The following DNAH6 variants were observed in gnomAD, a reference collection of about 807,000 sequenced individuals.
The protein encoded by DNAH6 is axonemal beta dynein heavy chain 6.
A neutral mutation model predicts 491.4 loss-of-function variants in DNAH6; 340 were observed. That is an observed-to-expected ratio of 0.69 (90% CI 0.63 to 0.76). The LOEUF is 0.76. DNAH6 is among the 30% of genes least tolerant of loss of function. The pLI is 0.00. For synonymous variants in DNAH6, 1,603 were observed against 1,686.1 expected, an observed-to-expected ratio of 0.95 and a Z score of 1.21; for missense variants, 4,443 against 4,972.2, an observed-to-expected ratio of 0.89 and a Z score of 3.20.
At chr2:84,498,541 A>T in the DNAH6 span, among the ~76,000 whole-genome samples, 4 of 152,080 alleles carry the variant, frequency 2.6e-5, no homozygotes, top group Non-Finnish European at 5.9e-5. Context: ...TTCTTTTAAA[A>T]CTGAGTAATT....
chr2:84,461,678 T>C, the DNAH6 span, among the ~76,000 whole-genome samples: 2 of 152,248 alleles, frequency 1.3e-5, no homozygotes, highest in Non-Finnish European at 2.9e-5. Flanking sequence ...TCGATAATGG[T>C]AGTTATTATC....
chr2:84,619,172 G>C (rs947875625), intron 23 of DNAH6, among the ~76,000 whole-genome samples: 2 of 152,134 alleles, frequency 1.3e-5, no homozygotes, highest in African/African-American at 4.8e-5. Context: ...TTTCACAGTA[G>C]CACATGCTGC....
intron 64 of DNAH6, among the ~76,000 whole-genome samples, chr2:84,766,401 CA>C (rs986166828): frequency 2.0e-5 from 3 of 151,950 alleles, no homozygotes; most frequent in South Asian, 2.1e-4. Flanking sequence ...TTTTGGGAAA[CA>C]AAAAAATGCA....
At position 84,516,510 on chromosome 2, in the gene DNAH6, C is replaced by A. The variant is rs1176087209; in HGVS notation, c.-82C>A. Reference sequence around the variant, plus strand: ...AGCAACAGGAAACATTCCGCGCTACCGAGTACTTTCTACTCCCGACCAGGC... The same window carrying A: ...AGCAACAGGAAACATTCCGCGCTACAGAGTACTTTCTACTCCCGACCAGGC... On this transcript the variant is annotated 5_prime_UTR_variant, in exon 1 of 77. Transcript: ENST00000389394. The A allele has an allele frequency of 6.6e-6, 1 of 152,196 alleles. No homozygotes were observed. The highest frequency in any genetic ancestry group is 6.5e-5 in the Admixed American group (1 of 15,274). The allele number at this position is 152,196 out of a possible 1,614,324, so 9.4% of individuals were successfully genotyped here.
chr2:84,605,504 A>G lies in DNAH6; in HGVS notation c.3086A>G (p.Glu1029Gly), dbSNP rs982337641. The change falls in exon 20 of 77, where the codon GAG (glutamate) becomes GGG (glycine). Residue 1029 changes from glutamate (E) to glycine (G), a missense_variant. Around this residue, in one of 3 missense-constraint regions of DNAH6, gnomAD observed 2,977 missense variants for 3,296.6 expected, o/e 0.90. Transcript: ENST00000389394. ...AALEAILKKV[E>G]DSWKTTEFVI... ...AAGGCTTGAATTATTTCTAAGGTGG[A>G]GGACTCTTGGAAAACAACTGAATTT... The G allele has an allele frequency of 6.5e-7, 1 of 1,549,780 alleles. No individual in the cohort carries two copies. The highest frequency in any genetic ancestry group is 1.4e-5 in the African/African-American group (1 of 73,096).
chr2:84,529,193 A>T lies in DNAH6; in HGVS notation c.662+27A>T, dbSNP rs140020163. On this transcript the variant is annotated intron_variant, in intron 4 of 76. Transcript: ENST00000389394. The stretch of plus-strand genomic sequence containing the variant: ...TGAGTTATTTTTTATGATGCAATTT[A>T]ACATAAAAATTACAAATAAGATTTC... 464 of 1,466,344 alleles carry T rather than the reference A, an allele frequency of 3.2e-4. 1 individual carries two copies. In the African/African-American group the frequency reaches 6.0e-3, roughly 19 times the overall value. The allele number at this position is 1,466,344 out of a possible 1,614,324, so 90.8% of individuals were successfully genotyped here.
At chr2:84,600,401 T>C (rs1416503230) in intron 18 of DNAH6, among the ~76,000 whole-genome samples, 1 of 152,156 alleles carries the variant, frequency 6.6e-6, no homozygotes, top group Non-Finnish European at 1.5e-5. Context: ...CCATGCTTTA[T>C]CTGAGTTTTT....
intron 64 of DNAH6, among the ~76,000 whole-genome samples, chr2:84,770,642 A>C (rs1675515228): frequency 6.6e-6 from 1 of 152,166 alleles, no homozygotes; most frequent in Non-Finnish European, 1.5e-5. Flanking sequence ...GAACATGCAG[A>C]TAGGTCTATT....
At chr2:84,475,172 G>A in the DNAH6 span, among the ~76,000 whole-genome samples, 2 of 152,142 alleles carry the variant, frequency 1.3e-5, no homozygotes, top group Admixed American at 6.5e-5. Flanking sequence ...TGAGGGTAAG[G>A]GTCCCCTAAC....
At chr2:84,737,461 T>C (rs1463338899) in intron 62 of DNAH6, among the ~76,000 whole-genome samples, 1 of 151,622 alleles carries the variant, frequency 6.6e-6, no homozygotes, top group Non-Finnish European at 1.5e-5. Context: ...TTTTTTCCGT[T>C]AGTTGGTTGG....
intron 46 of DNAH6, among the ~76,000 whole-genome samples, chr2:84,697,204 G>A (rs567197984): frequency 9.9e-5 from 15 of 152,102 alleles, no homozygotes; most frequent in East Asian, 1.9e-4. Flanking sequence ...ATCTCTGTCC[G>A]TGCAAATGTA....
At chr2:84,511,423 A>C in the DNAH6 span, among the ~76,000 whole-genome samples, 1 of 137,880 alleles carries the variant, frequency 7.3e-6, no homozygotes, top group Non-Finnish European at 1.5e-5. Flanking sequence ...CTGTTGGAAA[A>C]GCACAGTATT....
the DNAH6 span, among the ~76,000 whole-genome samples, chr2:84,484,019 A>G: frequency 6.6e-6 from 1 of 152,116 alleles, no homozygotes; most frequent in Non-Finnish European, 1.5e-5. Flanking sequence ...GTTTTTGTTG[A>G]CAGAAATGGG....
At chr2:84,513,937 G>A (rs1157415603), upstream of DNAH6, among the ~76,000 whole-genome samples, 2 of 152,156 alleles carry the variant, frequency 1.3e-5, no homozygotes, top group African/African-American at 4.8e-5. Flanking sequence ...GTCACTGCCA[G>A]TTTTTTCCTA....
intron 9 of DNAH6, among the ~76,000 whole-genome samples, chr2:84,550,718 G>A (rs1472347448): frequency 6.6e-6 from 1 of 152,130 alleles, no homozygotes; most frequent in African/African-American, 2.4e-5. Flanking sequence ...ATATAGTGAT[G>A]AAAAGCATAG....
In DNAH6 at chr2:84,781,485, CA is replaced by C. The variant is rs748032970; in HGVS notation, c.10704-6del. 37 of 1,542,334 alleles carry C rather than the reference CA, an allele frequency of 2.4e-5. No homozygotes were observed. Among genetic ancestry groups the C allele is most frequent in the Admixed American group, 4.0e-5 (2 of 50,150 alleles). On this transcript the variant is annotated splice_polypyrimidine_tract_variant and splice_region_variant and intron_variant, in intron 64 of 76. Coordinates refer to ENST00000389394, the MANE Select transcript of DNAH6 (RefSeq NM_001370.2). Reference sequence around the variant, plus strand: ...AAGATGATATTGTGTTCTTGCTGTTCAATTCAGGGTGCAGTCAATTTCACTG... The same window carrying C: ...AAGATGATATTGTGTTCTTGCTGTTCATTCAGGGTGCAGTCAATTTCACTG...
At chr2:84,501,680 T>C in the DNAH6 span, among the ~76,000 whole-genome samples, 1 of 51,240 alleles carries the variant, frequency 2.0e-5, no homozygotes, top group Non-Finnish European at 4.2e-5. Context: ...ACTGGGAGAC[T>C]TCTTATTATG....
At chr2:84,598,255 T>A (rs1368102638) in intron 18 of DNAH6, among the ~76,000 whole-genome samples, 1 of 151,810 alleles carries the variant, frequency 6.6e-6, no homozygotes, top group Non-Finnish European at 1.5e-5. Flanking sequence ...CTTGAATTCC[T>A]GGGCTCAAGC....
At chr2:84,465,019 A>T in the DNAH6 span, among the ~76,000 whole-genome samples, 5 of 152,192 alleles carry the variant, frequency 3.3e-5, no homozygotes, top group East Asian at 9.7e-4. Flanking sequence ...AGGGGCAAAG[A>T]TCCATATTCT....
Sources: allele counts gnomAD v4.1 joint callset (sites outside exome capture counted in the v4.1 genomes callset), GRCh38; gene constraint gnomAD v4.1.1; regional missense constraint gnomAD v4.1.1; transcripts MANE v1.5; gene names NCBI Gene and HGNC (gene_info 2026-07-23, HGNC 2026-07-21).